PIK3C2G: variants seen among roughly 807,000 people sequenced by gnomAD.
PIK3C2G encodes the protein phosphatidylinositol 3-kinase C2 domain-containing subunit gamma.
In PIK3C2G, 168 loss-of-function variants were observed where a neutral mutation model predicts 181.1. The ratio of observed to expected loss-of-function variants is 0.93; its 90% CI spans 0.82 to 1.05. The LOEUF is 1.05. Ranked by LOEUF, PIK3C2G falls within the 50% of genes least tolerant of loss-of-function variation. The probability of loss-of-function intolerance (pLI) is 0.00; values close to 1 mark genes in which losing one functional copy is unlikely to be tolerated. For missense variants in PIK3C2G, 1,869 were observed against 1,732.8 expected (o/e 1.08, Z -1.40); for synonymous variants, 573 against 592.2 (o/e 0.97, Z 0.47).
intron 24 of PIK3C2G, among the ~76,000 whole-genome samples, chr12:18,509,233 A>G (rs995308639): frequency 2.6e-5 from 4 of 152,016 alleles, no homozygotes; most frequent in African/African-American, 4.8e-5. Context: ...ATTTTAGTAG[A>G]GACAGGGTTT....
At chr12:18,483,333 C>T (rs1939737806) in intron 18 of PIK3C2G, among the ~76,000 whole-genome samples, 1 of 152,128 alleles carries the variant, frequency 6.6e-6, no homozygotes, top group African/African-American at 2.4e-5. Context: ...GAGAGCATCT[C>T]CTATCAGATA....
At chr12:18,559,383 A>C (rs1945176474) in intron 26 of PIK3C2G, among the ~76,000 whole-genome samples, 2 of 152,092 alleles carry the variant, frequency 1.3e-5, no homozygotes, top group Admixed American at 1.3e-4. Flanking sequence ...TTTGTGTCGT[A>C]TGAGCATTTG....
At chr12:18,500,382 C>CG (rs1295441817) in intron 22 of PIK3C2G, among the ~76,000 whole-genome samples, 2 of 152,310 alleles carry the variant, frequency 1.3e-5, no homozygotes, top group East Asian at 3.9e-4. Context: ...TGCCTTCCCG[C>CG]GGGGCAAGGC....
At chr12:18,693,466 A>T in the PIK3C2G span, 5 of 1,606,990 alleles carry the variant, frequency 3.1e-6, no homozygotes, top group Admixed American at 8.3e-5. Context: ...CACCTGGCAC[A>T]GGTAAAACCT....
chr12:18,653,528 C>A, the PIK3C2G span, among the ~76,000 whole-genome samples: 4 of 152,120 alleles, frequency 2.6e-5, no homozygotes, highest in Admixed American at 6.5e-5. Context: ...TTCTTAACTC[C>A]AGACACAGGT....
At chr12:18,598,384 A>C (rs1947499225) in intron 30 of PIK3C2G, among the ~76,000 whole-genome samples, 1 of 151,814 alleles carries the variant, frequency 6.6e-6, no homozygotes, top group South Asian at 2.1e-4. Flanking sequence ...ACCTGAGAAA[A>C]ACAAGCAATG....
At chr12:18,567,113 T>C in intron 29 of PIK3C2G, 56 bp downstream of exon 29, 2 of 849,130 alleles carry the variant, frequency 2.4e-6, no homozygotes, top group Non-Finnish European at 3.9e-6. Context: ...TTTTATATTT[T>C]ATTCGTGAGT....
intron 29 of PIK3C2G, among the ~76,000 whole-genome samples, chr12:18,568,887 T>G (rs1346915796): frequency 3.0e-4 from 45 of 152,282 alleles, no homozygotes; most frequent in African/African-American, 9.4e-4. Flanking sequence ...ACTATTTTTT[T>G]TCACTTTGAA....
intron 18 of PIK3C2G, among the ~76,000 whole-genome samples, chr12:18,438,450 C>T (rs912715456): frequency 2.6e-5 from 4 of 151,924 alleles, no homozygotes; most frequent in Admixed American, 2.6e-4. Context: ...GCTTTGACTA[C>T]TCCTTCTTGT....
chr12:18,275,720 G>C (rs1037441042), intron 1 of PIK3C2G, among the ~76,000 whole-genome samples: 3 of 152,036 alleles, frequency 2.0e-5, no homozygotes, highest in African/African-American at 7.2e-5. Context: ...CTCCCTTCTT[G>C]TTTTTGGCCT....
At chr12:18,696,628 A>G in the PIK3C2G span, among the ~76,000 whole-genome samples, 1 of 152,014 alleles carries the variant, frequency 6.6e-6, no homozygotes, top group Admixed American at 6.6e-5. Context: ...TTTTCAAAAC[A>G]AAAGCAGCAT....
intron 24 of PIK3C2G, among the ~76,000 whole-genome samples, chr12:18,532,379 T>G (rs938453652): frequency 6.6e-6 from 1 of 152,166 alleles, no homozygotes; most frequent in Admixed American, 6.6e-5. Context: ...CATGTTGAAA[T>G]TTTAAAATTC....
intron 15 of PIK3C2G, among the ~76,000 whole-genome samples, chr12:18,392,385 C>T (rs1336551028): frequency 6.6e-6 from 1 of 152,026 alleles, no homozygotes; most frequent in Non-Finnish European, 1.5e-5. Flanking sequence ...TACTTTCCTA[C>T]TCTCTAATTT....
intron 13 of PIK3C2G, among the ~76,000 whole-genome samples, chr12:18,373,457 T>C (rs1942213831): frequency 6.6e-6 from 1 of 152,320 alleles, no homozygotes; most frequent in East Asian, 1.9e-4. Flanking sequence ...CCAATGGTGA[T>C]TAAACTCAGA....
chr12:18,359,141 T>C (rs1435583912), intron 11 of PIK3C2G, among the ~76,000 whole-genome samples: 1 of 152,248 alleles, frequency 6.6e-6, no homozygotes, highest in Non-Finnish European at 1.5e-5. Flanking sequence ...CTGTAAGCAC[T>C]GCCAATTCTG....
chr12:18,552,081 A>G (rs1187609349), intron 26 of PIK3C2G, among the ~76,000 whole-genome samples: 1 of 152,086 alleles, frequency 6.6e-6, no homozygotes, highest in Admixed American at 6.6e-5. Flanking sequence ...TAGGCAGAAT[A>G]GGCACAGTGA....
intron 19 of PIK3C2G, among the ~76,000 whole-genome samples, chr12:18,490,525 C>T (rs1940464412): frequency 6.6e-6 from 1 of 152,172 alleles, no homozygotes; most frequent in Admixed American, 6.5e-5. Context: ...CCCCCTGCTG[C>T]ACTGACGACC....
At chr12:18,586,620 T>C (rs867372715) in intron 29 of PIK3C2G, among the ~76,000 whole-genome samples, 3 of 152,132 alleles carry the variant, frequency 2.0e-5, no homozygotes, top group African/African-American at 7.2e-5. Context: ...GAAAGATTCA[T>C]AGCTGAATTC....
In PIK3C2G at chr12:18,420,320, C is replaced by A. The variant is rs1256071958; in HGVS notation, c.2316-621C>A. Among the ~76,000 whole-genome samples the A allele has an allele frequency of 3.9e-5, 6 of 152,152 alleles. No individual in the cohort carries two copies. In the East Asian group the frequency reaches 9.7e-4, roughly 24 times the overall value. On this transcript the variant is annotated intron_variant, in intron 16 of 32. Transcript: ENST00000538779. ...GGAACAGGACTTCAAATGCTAAATA[C>A]CTCACAAATTTATTTAAATAAAAAA...
Sources: gnomAD v4.1 joint callset for allele counts (sites outside exome capture counted in the v4.1 genomes callset) on GRCh38, gnomAD v4.1.1 for gene constraint, MANE v1.5 for transcripts, NCBI Gene and HGNC (gene_info 2026-07-23, HGNC 2026-07-21) for gene names.